Variants in STK38 observed in about 807,000 individuals in gnomAD.
STK38 encodes serine/threonine-protein kinase 38.
A neutral mutation model predicts 59.0 loss-of-function variants in STK38; 26 were observed. The ratio of observed to expected loss-of-function variants is 0.44; its 90% CI spans 0.32 to 0.61. STK38 has a LOEUF of 0.61. Ranked by LOEUF, STK38 falls within the 20% of genes least tolerant of loss-of-function variation. The probability of loss-of-function intolerance (pLI) is 0.04; values close to 1 mark genes in which losing one functional copy is unlikely to be tolerated. For synonymous variants in STK38, 175 were observed against 176.6 expected (o/e 0.99, Z 0.07); for missense variants, 433 against 566.0 (o/e 0.76, Z 2.38).
At chr6:36,515,520 A>C (rs944697315) in intron 6 of STK38, 28 bp from the exon 7 acceptor site, 2 of 268,926 alleles carry the variant, frequency 7.4e-6, no homozygotes, top group Middle Eastern at 1.2e-3. Context: ...CAAAGCCACC[A>C]CACACACACA....
chr6:36,506,680 AG>A, intron 8 of STK38, 36 bp from the exon 9 acceptor site: 2 of 1,597,966 alleles, frequency 1.3e-6, no homozygotes, highest in Non-Finnish European at 1.7e-6. Flanking sequence ...GTCAAAGTTC[AG>A]ACCAAAATGT....
At position 36,495,535 on chromosome 6, in the gene STK38, G is replaced by C. The variant is rs775813861; in HGVS notation, c.*249C>G. On this transcript the variant is annotated 3_prime_UTR_variant, in exon 14 of 14. Transcript: ENST00000229812. ...TTATTTTTAAAACACCTATCAAATTGGCTCATGATGCTTCTCTTCCAAAGC... is the reference window on the plus strand; with the variant it reads ...TTATTTTTAAAACACCTATCAAATTCGCTCATGATGCTTCTCTTCCAAAGC... 2.7e-6 allele frequency: 1 copy of C among 376,056 alleles called. No individual in the cohort carries two copies. Among genetic ancestry groups the C allele is most frequent in the Non-Finnish European group, 4.9e-6 (1 of 205,350 alleles). The allele number at this position is 376,056 out of a possible 1,614,324, so 23.3% of individuals were successfully genotyped here.
intron 7 of STK38, among the ~76,000 whole-genome samples, chr6:36,509,999 C>T (rs75912307): frequency 3.3e-5 from 5 of 152,094 alleles, no homozygotes; most frequent in South Asian, 2.1e-4. Context: ...CAGGCAGGCC[C>T]GGAAAAACCA....
intron 1 of STK38, among the ~76,000 whole-genome samples, chr6:36,545,757 TTTCA>T (rs1441066698): frequency 3.3e-5 from 5 of 152,208 alleles, no homozygotes; most frequent in African/African-American, 4.8e-5. Context: ...GCCCCATTTG[TTTCA>T]TTCTTCAACT....
Position 36,511,982 on chromosome 6 carries a change from C to G in STK38, c.669+3356G>C, listed in dbSNP as rs1243867432. ...GCTGAGGCAGGAGAATTGCTTGAAA[C>G]TGGGAGGCAGAAGTCACAGTGAGCC... On this transcript the variant is annotated intron_variant, in intron 7 of 13. Transcript: ENST00000229812. Among the ~76,000 whole-genome samples the G allele has an allele frequency of 1.3e-5, 2 of 152,104 alleles. 1 individual carries two copies. Among genetic ancestry groups the G allele is most frequent in the Admixed American group, 1.3e-4 (2 of 15,266 alleles).
intron 2 of STK38, among the ~76,000 whole-genome samples, chr6:36,533,289 A>T (rs761412766): frequency 3.4e-4 from 52 of 152,168 alleles, no homozygotes; most frequent in Non-Finnish European, 6.6e-4. Context: ...TTAGAACTAC[A>T]GGTGCACACC....
intron 2 of STK38, among the ~76,000 whole-genome samples, chr6:36,538,901 A>AT (rs76378265): frequency 2.0e-5 from 3 of 151,114 alleles, no homozygotes; most frequent in Non-Finnish European, 2.9e-5. Context: ...CAAAAAAAAA[A>AT]AAAAAAAAAA....
chr6:36,508,379 A>G (rs1195159223), intron 7 of STK38, among the ~76,000 whole-genome samples: 3 of 152,240 alleles, frequency 2.0e-5, no homozygotes, highest in African/African-American at 7.2e-5. Flanking sequence ...CCCCTCTGAC[A>G]GAGTCTGTAT....
chr6:36,509,742 G>A (rs1482826210), intron 7 of STK38, among the ~76,000 whole-genome samples: 1 of 152,078 alleles, frequency 6.6e-6, no homozygotes, highest in Non-Finnish European at 1.5e-5. Context: ...TCTTTCTGTA[G>A]GCAGTCCACT....
In STK38 at chr6:36,533,624, A is replaced by G. The variant is rs542692730; in HGVS notation, c.131+6448T>C. 8.9e-4 allele frequency among the ~76,000 whole-genome samples: 135 copies of G among 152,332 alleles called. 1 individual carries two copies. In the South Asian group the frequency reaches 0.011, roughly 12 times the overall value. On this transcript the variant is annotated intron_variant, in intron 2 of 13. Transcript: ENST00000229812. ...TGTATCATTTATTAATAATGTAAAT[A>G]AAACCATACATCATCTTGTTCCTGC...
chr6:36,540,406 C>T (rs1035159339), intron 1 of STK38, among the ~76,000 whole-genome samples, 199 bp from the exon 2 acceptor site: 4 of 152,078 alleles, frequency 2.6e-5, no homozygotes, highest in African/African-American at 9.7e-5. Flanking sequence ...GAAATCCCAC[C>T]CCTAGGTATA....
intron 9 of STK38, among the ~76,000 whole-genome samples, chr6:36,501,394 A>T (rs1014214551): frequency 9.2e-5 from 14 of 152,278 alleles, no homozygotes; most frequent in South Asian, 8.3e-4. Context: ...AGGTGCTTTA[A>T]ATATTATATA....
At chr6:36,523,265 GTT>G (rs1214353764) in intron 4 of STK38, among the ~76,000 whole-genome samples, 6 of 113,656 alleles carry the variant, frequency 5.3e-5, no homozygotes, top group Non-Finnish European at 5.6e-5. Flanking sequence ...CAGGTTTTTT[GTT>G]TTTTTTTTTT....
chr6:36,500,372 G>C (rs1006327964), intron 9 of STK38, among the ~76,000 whole-genome samples: 2 of 151,734 alleles, frequency 1.3e-5, no homozygotes, highest in Admixed American at 6.6e-5. Flanking sequence ...TTTCCAAGGA[G>C]GACCTTATTA....
chr6:36,515,198 CCT>C (rs1777219508), intron 7 of STK38, 138 bp downstream of exon 7: 6 of 908,968 alleles, frequency 6.6e-6, no homozygotes, highest in Non-Finnish European at 1.6e-6. Flanking sequence ...AGCAAACTTA[CCT>C]GTTTAAAAAA....
At chr6:36,518,742 G>A (rs1427051307) in intron 5 of STK38, among the ~76,000 whole-genome samples, 1 of 152,072 alleles carries the variant, frequency 6.6e-6, no homozygotes, top group Non-Finnish European at 1.5e-5. Context: ...TTTTTTAAGT[G>A]TCACAAGGTC....
At chr6:36,508,762 G>A (rs532655083) in intron 7 of STK38, among the ~76,000 whole-genome samples, 96 of 152,360 alleles carry the variant, frequency 6.3e-4, no homozygotes, top group African/African-American at 2.1e-3. Flanking sequence ...GAGTGAGTGC[G>A]GGGTCCAGCC....
intron 2 of STK38, among the ~76,000 whole-genome samples, chr6:36,530,207 C>T (rs1425031811): frequency 6.6e-6 from 1 of 151,352 alleles, no homozygotes; most frequent in East Asian, 2.0e-4. Flanking sequence ...TGCCACTGCA[C>T]TCCAGCCTGG....
chr6:36,500,507 A>G (rs1554166171), intron 9 of STK38, among the ~76,000 whole-genome samples: 2 of 152,076 alleles, frequency 1.3e-5, no homozygotes, highest in Non-Finnish European at 2.9e-5. Flanking sequence ...CACGCCTGTA[A>G]TCCCAGCACT....
Sources: gnomAD v4.1 joint callset for allele counts (sites outside exome capture counted in the v4.1 genomes callset) on GRCh38, gnomAD v4.1.1 for gene constraint, MANE v1.5 for transcripts, NCBI Gene and HGNC (gene_info 2026-07-23, HGNC 2026-07-21) for gene names.